WWOX: variants seen among roughly 807,000 people sequenced by gnomAD.
WWOX encodes the protein WW domain-containing oxidoreductase.
A neutral mutation model predicts 46.2 loss-of-function variants in WWOX; 69 were observed. The ratio of observed to expected loss-of-function variants is 1.49; its 90% CI spans 1.23 to 1.82. WWOX has a LOEUF of 1.82. Ranked by LOEUF, WWOX falls within the 40% of genes most tolerant of loss-of-function variation. WWOX has a pLI of 0.00. For missense variants in WWOX, 919 were observed against 542.6 expected, an observed-to-expected ratio of 1.69 and a Z score of -6.89; for synonymous variants, 359 against 202.6, an observed-to-expected ratio of 1.77 and a Z score of -6.56.
chr16:78,603,158 T>C (rs926378775), intron 8 of WWOX, among the ~76,000 whole-genome samples: 6 of 152,182 alleles, frequency 3.9e-5, no homozygotes, highest in African/African-American at 1.4e-4. Context: ...TGCTATGCTG[T>C]TTTATGCACA....
chr16:78,883,202 G>A (rs1260876879), intron 8 of WWOX, among the ~76,000 whole-genome samples: 3 of 152,132 alleles, frequency 2.0e-5, no homozygotes, highest in Non-Finnish European at 4.4e-5. Flanking sequence ...TGGTTGTTGT[G>A]GAAATTAAAG....
Position 78,136,668 on chromosome 16 carries a change from G to C in WWOX, c.409+21514G>C, listed in dbSNP as rs185877935. ...TAAGCACAGGTTGGTTCGTTAACCTGTAAAGAGATGTTTGGGTTTTAAGAG... is the reference window on the plus strand; with the variant it reads ...TAAGCACAGGTTGGTTCGTTAACCTCTAAAGAGATGTTTGGGTTTTAAGAG... On this transcript the variant is annotated intron_variant, in intron 4 of 8. Coordinates refer to ENST00000566780, the MANE Select transcript of WWOX (RefSeq NM_016373.4). 3.3e-5 allele frequency among the ~76,000 whole-genome samples: 5 copies of C among 152,322 alleles called. No homozygotes were observed. The East Asian group carries it at 7.7e-4, about 23-fold the overall frequency.
At chr16:78,980,304 G>A (rs2046655927) in intron 8 of WWOX, among the ~76,000 whole-genome samples, 1 of 152,142 alleles carries the variant, frequency 6.6e-6, no homozygotes, top group African/African-American at 2.4e-5. Flanking sequence ...TGCCAAAGAT[G>A]GCTCTTTGCC....
At chr16:78,417,085 G>A (rs9931934) in intron 6 of WWOX, among the ~76,000 whole-genome samples, 12,425 of 151,132 alleles carry the variant, frequency 0.082, 1,457 homozygotes, top group African/African-American at 0.27. Context: ...TTTTCATTTT[G>A]AGACAGGGTG....
intron 8 of WWOX, among the ~76,000 whole-genome samples, chr16:78,683,613 G>C (rs1375661449): frequency 6.6e-6 from 1 of 151,984 alleles, no homozygotes; most frequent in Non-Finnish European, 1.5e-5. Flanking sequence ...TGTTGCCTAG[G>C]CTGGTCTTGA....
chr16:78,888,110 T>G (rs559871991), intron 8 of WWOX, among the ~76,000 whole-genome samples: 1 of 152,334 alleles, frequency 6.6e-6, no homozygotes, highest in African/African-American at 2.4e-5. Context: ...AAATCAACTT[T>G]CTTGTTGTAG....
intron 8 of WWOX, among the ~76,000 whole-genome samples, chr16:78,863,357 C>T (rs2043934068): frequency 6.6e-6 from 1 of 152,174 alleles, no homozygotes; most frequent in Admixed American, 6.5e-5. Context: ...AATCTCTAGG[C>T]CAAGTGTTCT....
intron 8 of WWOX, among the ~76,000 whole-genome samples, chr16:78,724,494 G>T (rs970628100): frequency 1.3e-5 from 2 of 152,124 alleles, no homozygotes; most frequent in East Asian, 3.9e-4. Context: ...AAATGTTTAC[G>T]GTTACTGATA....
chr16:78,316,160 G>C (rs758007145), intron 5 of WWOX, among the ~76,000 whole-genome samples: 5 of 151,924 alleles, frequency 3.3e-5, no homozygotes, highest in African/African-American at 7.3e-5. Flanking sequence ...CAGGAGAATC[G>C]CCTTGAACCT....
intron 8 of WWOX, among the ~76,000 whole-genome samples, chr16:78,750,073 G>C (rs1010400558): frequency 6.6e-5 from 10 of 152,164 alleles, no homozygotes; most frequent in Admixed American, 6.5e-4. Flanking sequence ...ACAGCATATG[G>C]AAGGCATTGC....
At chr16:78,967,461 T>G (rs1324401110) in intron 8 of WWOX, among the ~76,000 whole-genome samples, 4 of 46,914 alleles carry the variant, frequency 8.5e-5, no homozygotes, top group African/African-American at 1.8e-4. Flanking sequence ...TTTTTGTGGT[T>G]TTTTTTTTTT....
At chr16:78,464,541 G>A (rs76035012) in intron 8 of WWOX, among the ~76,000 whole-genome samples, 8,503 of 152,200 alleles carry the variant, frequency 0.056, 667 homozygotes, top group African/African-American at 0.17. Context: ...GAATCTTCAT[G>A]ACGATCCTTC....
At chr16:78,407,630 G>A (rs561494023) in intron 6 of WWOX, among the ~76,000 whole-genome samples, 19 of 152,102 alleles carry the variant, frequency 1.2e-4, no homozygotes, top group Admixed American at 3.3e-4. Flanking sequence ...TCCTTGAGTC[G>A]TAATGGGTTT....
At chr16:78,244,477 C>T (rs1351061805) in intron 5 of WWOX, among the ~76,000 whole-genome samples, 1 of 152,114 alleles carries the variant, frequency 6.6e-6, no homozygotes, top group Non-Finnish European at 1.5e-5. Context: ...CACCTTCAGC[C>T]CTGCCTTAAT....
intron 6 of WWOX, among the ~76,000 whole-genome samples, chr16:78,420,072 A>T (rs1334189566): frequency 1.3e-5 from 2 of 152,324 alleles, no homozygotes; most frequent in East Asian, 1.9e-4. Flanking sequence ...CCACAATGAG[A>T]TTCCACTTAT....
intron 4 of WWOX, among the ~76,000 whole-genome samples, chr16:78,138,619 T>A (rs953021850): frequency 9.8e-5 from 15 of 152,346 alleles, no homozygotes; most frequent in South Asian, 6.2e-4. Context: ...GAAGATTTTT[T>A]AAATTCCTTA....
chr16:78,868,606 G>A (rs569347379), intron 8 of WWOX, among the ~76,000 whole-genome samples: 1 of 152,268 alleles, frequency 6.6e-6, no homozygotes, highest in African/African-American at 2.4e-5. Flanking sequence ...CAGGAACATA[G>A]AAAGATTTTC....
At chr16:78,627,435 T>A (rs1006999515) in intron 8 of WWOX, among the ~76,000 whole-genome samples, 1 of 152,208 alleles carries the variant, frequency 6.6e-6, no homozygotes, top group Non-Finnish European at 1.5e-5. Context: ...CAAGGGGTTT[T>A]CTGTGGCTGG....
rs193176070 is a variant in WWOX at position 78,717,850 on chromosome 16, C to T, written c.1056+285098C>T. 2.6e-5 allele frequency among the ~76,000 whole-genome samples: 4 copies of T among 152,160 alleles called. No individual in the cohort carries two copies. The South Asian group carries it at 8.3e-4, about 31-fold the overall frequency. On this transcript the variant is annotated intron_variant, in intron 8 of 8. Coordinates refer to ENST00000566780, the MANE Select transcript of WWOX (RefSeq NM_016373.4). ...TATTTATATTTCCCTCTCTGTCTTT[C>T]CCACCTGTTTGGTGATGAGGAAGGA...
Sources: allele counts gnomAD v4.1 joint callset (sites outside exome capture counted in the v4.1 genomes callset), GRCh38; gene constraint gnomAD v4.1.1; transcripts MANE v1.5; gene names NCBI Gene and HGNC (gene_info 2026-07-23, HGNC 2026-07-21).